Variants in ZFHX3 observed in about 807,000 individuals in gnomAD.
The protein encoded by ZFHX3 is zinc finger homeobox 3, also known as zinc finger homeobox protein 3.
A neutral mutation model predicts 279.1 loss-of-function variants in ZFHX3; 42 were observed. That is an observed-to-expected ratio of 0.15 (90% CI 0.12 to 0.19). ZFHX3 has a LOEUF of 0.19. Ranked by LOEUF, ZFHX3 falls within the 10% of genes least tolerant of loss-of-function variation. The pLI is 1.00. For synonymous variants in ZFHX3, 2,293 were observed against 1,957.8 expected (o/e 1.17, Z -4.52); for missense variants, 4,981 against 4,754.0 (o/e 1.05, Z -1.40).
intron 1 of ZFHX3, among the ~76,000 whole-genome samples, chr16:73,031,698 G>A (rs985283049): frequency 6.6e-6 from 1 of 152,190 alleles, no homozygotes; most frequent in East Asian, 1.9e-4. Context: ...AGAACGAGCT[G>A]GGCCTTGAAT....
At chr16:73,014,726 C>T (rs1964039177) in intron 1 of ZFHX3, among the ~76,000 whole-genome samples, 1 of 151,738 alleles carries the variant, frequency 6.6e-6, no homozygotes, top group African/African-American at 2.4e-5. Flanking sequence ...GGGGTTTCAC[C>T]ATGTCTTGAT....
chr16:73,674,396 C>A (rs1422342508), intron 2 of ZFHX3, among the ~76,000 whole-genome samples: 1 of 152,194 alleles, frequency 6.6e-6, no homozygotes, highest in Non-Finnish European at 1.5e-5. Flanking sequence ...TGTGACATTT[C>A]AGGAAGACTA....
At chr16:72,916,277 G>A (rs911781233) in intron 3 of ZFHX3, among the ~76,000 whole-genome samples, 1 of 152,164 alleles carries the variant, frequency 6.6e-6, no homozygotes, top group Non-Finnish European at 1.5e-5. Context: ...AATGACATTT[G>A]ATTTTGTATC....
intron 1 of ZFHX3, among the ~76,000 whole-genome samples, chr16:73,748,269 A>ATG (rs2053721937): frequency 1.3e-5 from 2 of 152,186 alleles, no homozygotes; most frequent in African/African-American, 4.8e-5. Context: ...CCCAAAAACT[A>ATG]ACTACATGTC....
chr16:73,082,094 C>T (rs1432041171), intron 8 of ZFHX3, among the ~76,000 whole-genome samples: 7 of 152,066 alleles, frequency 4.6e-5, no homozygotes. Context: ...GCCTCAGTCT[C>T]TCAAAGTGCT....
intron 3 of ZFHX3, among the ~76,000 whole-genome samples, chr16:73,325,927 AAACAC>A (rs1567451238): frequency 5.7e-5 from 8 of 139,154 alleles, no homozygotes; most frequent in African/African-American, 2.4e-4. Flanking sequence ...ACACACACAC[AAACAC>A]ACACACACAC....
chr16:73,706,040 C>T (rs913828373), intron 1 of ZFHX3, among the ~76,000 whole-genome samples: 3 of 152,172 alleles, frequency 2.0e-5, no homozygotes, highest in Non-Finnish European at 2.9e-5. Flanking sequence ...CACAGTGACT[C>T]ACACCTGTAA....
intron 1 of ZFHX3, among the ~76,000 whole-genome samples, chr16:73,844,620 T>C (rs1258335108): frequency 1.3e-5 from 2 of 151,126 alleles, no homozygotes; most frequent in African/African-American, 4.9e-5. Flanking sequence ...GATGGGGGGA[T>C]GGGAAGATGG....
chr16:73,452,551 T>C (rs2018295579), intron 3 of ZFHX3, among the ~76,000 whole-genome samples: 1 of 152,116 alleles, frequency 6.6e-6, no homozygotes, highest in South Asian at 2.1e-4. Context: ...AATGGTTTAG[T>C]TCAACTCAGC....
At chr16:73,885,647 T>C in intron 1 of ZFHX3, among the ~76,000 whole-genome samples, 1 of 152,198 alleles carries the variant, frequency 6.6e-6, no homozygotes, top group South Asian at 2.1e-4. Context: ...GGAGAAGGGC[T>C]ACTGAATAAT....
chr16:73,282,561 GTTGCT>G (rs1364389767), intron 4 of ZFHX3, among the ~76,000 whole-genome samples: 1 of 151,940 alleles, frequency 6.6e-6, no homozygotes, highest in East Asian at 1.9e-4. Context: ...ATTGTCTCTT[GTTGCT>G]TTGTCTTTTG....
At chr16:73,212,952 C>A (rs1335961380) in intron 5 of ZFHX3, among the ~76,000 whole-genome samples, 1 of 152,162 alleles carries the variant, frequency 6.6e-6, no homozygotes, top group African/African-American at 2.4e-5. Flanking sequence ...TGCGTGTAAA[C>A]CCTTCGAACA....
intron 1 of ZFHX3, among the ~76,000 whole-genome samples, chr16:73,808,916 G>A (rs144874002): frequency 2.0e-5 from 3 of 152,208 alleles, no homozygotes; most frequent in Non-Finnish European, 4.4e-5. Flanking sequence ...AGAAGTTTAA[G>A]AGTCACAGCA....
At chr16:73,465,270 C>T (rs562031711) in intron 2 of ZFHX3, among the ~76,000 whole-genome samples, 6 of 152,296 alleles carry the variant, frequency 3.9e-5, no homozygotes, top group Admixed American at 2.0e-4. Context: ...TTCTTTCAGA[C>T]GCAGAATGGC....
intron 2 of ZFHX3, among the ~76,000 whole-genome samples, chr16:73,581,659 C>CT (rs11286052): frequency 0.018 from 1,313 of 73,448 alleles, 374 homozygotes; most frequent in African/African-American, 0.022. Flanking sequence ...TCGAATGTCT[C>CT]TTTTTTTTTT....
At position 72,795,072 on chromosome 16, in the gene ZFHX3, A is replaced by G. The variant is rs1201945034; in HGVS notation, c.7610T>C (p.Leu2537Ser). 2.5e-6 allele frequency: 4 copies of G among 1,614,134 alleles called. No homozygotes were observed. The highest frequency in any genetic ancestry group is 2.5e-6 in the Non-Finnish European group (3 of 1,180,026). ...CCAGTGCTCAAATGACGGAAATGCC[A>G]ACTTACACTGGTCACACTGGTAGGG... ...LIPYQCDQCK[L>S]AFPSFEHWQE... Residue 2537 changes from leucine to serine, a missense_variant, in exon 9 of 10, where the codon TTG becomes TCG. Coordinates refer to ENST00000268489, the MANE Select transcript of ZFHX3 (RefSeq NM_006885.4).
chr16:73,328,094 A>C (rs977249235), intron 3 of ZFHX3, among the ~76,000 whole-genome samples: 3 of 152,080 alleles, frequency 2.0e-5, no homozygotes, highest in Non-Finnish European at 2.9e-5. Context: ...TTTATTTTTT[A>C]AAGGCAGAGC....
At chr16:73,808,476 AC>A (rs1308037868) in intron 1 of ZFHX3, 1 of 152,198 alleles carries the variant, frequency 6.6e-6, no homozygotes, top group Non-Finnish European at 1.5e-5. Context: ...TTTCAGGTAT[AC>A]AGAAGATGGT....
chr16:73,109,848 CAAAACAAAAACA>C (rs56066135), intron 7 of ZFHX3, among the ~76,000 whole-genome samples: 71 of 150,000 alleles, frequency 4.7e-4, no homozygotes, highest in Admixed American at 7.3e-4. Flanking sequence ...GACTTGGTCT[CAAAACAAAAACA>C]AAAACAAAAA....
Sources: allele counts gnomAD v4.1 joint callset (sites outside exome capture counted in the v4.1 genomes callset), GRCh38; gene constraint gnomAD v4.1.1; transcripts MANE v1.5; gene names NCBI Gene and HGNC (gene_info 2026-07-23, HGNC 2026-07-21).